NLRP9: variants seen among roughly 807,000 people sequenced by gnomAD.
NLRP9 encodes NLR family pyrin domain containing 9, also known as NACHT, LRR and PYD domains-containing protein 9.
In NLRP9, 88 loss-of-function variants were observed where a neutral mutation model predicts 83.1. The observed-to-expected ratio is 1.06, with a 90% confidence interval of 0.89 to 1.26. The LOEUF (loss-of-function observed/expected upper bound fraction) is 1.26, where lower values mean the gene tolerates loss of function less well. NLRP9 is among the 50% of genes most tolerant of loss of function. The pLI, the probability that NLRP9 is intolerant of heterozygous loss-of-function variation, is 0.00. For missense variants in NLRP9, 1,308 were observed against 1,179.3 expected (o/e 1.11, Z -1.60); for synonymous variants, 521 against 447.6 (o/e 1.16, Z -2.07).
At chr19:55,733,781 A>C (rs946380108) in intron 1 of NLRP9, among the ~76,000 whole-genome samples, 1 of 152,194 alleles carries the variant, frequency 6.6e-6, no homozygotes, top group African/African-American at 2.4e-5. Flanking sequence ...TCTGATAAGA[A>C]ACATTTTACA....
chr19:55,738,306 A>C lies in NLRP9; in HGVS notation c.69T>G (p.Phe23Leu), dbSNP rs56211941. 6.2e-7 allele frequency: 1 copy of C among 1,613,912 alleles called. No individual in the cohort carries two copies. The highest frequency in any genetic ancestry group is 8.5e-7 in the Non-Finnish European group (1 of 1,179,952). Reference sequence around the variant, plus strand: ...GTTTGAGGAGCTCCTTAAATTTCCAAAACTCTTCCTTTCTGAGCTCCTTCA... The same window carrying C: ...GTTTGAGGAGCTCCTTAAATTTCCACAACTCTTCCTTTCTGAGCTCCTTCA... ...WYLKELRKEEFWKFKELLKQP... is the reference protein window; with the variant it reads ...WYLKELRKEELWKFKELLKQP... The change falls in exon 1 of 9, where the codon TTT (phenylalanine) becomes TTG (leucine). Residue 23 changes from phenylalanine to leucine, a missense_variant. Phe to Leu is a conservative substitution (Grantham distance 22, BLOSUM62 0). Coordinates refer to ENST00000332836, the MANE Select transcript of NLRP9 (RefSeq NM_176820.4).
chr19:55,730,599 C>A (rs913826927), intron 2 of NLRP9, among the ~76,000 whole-genome samples: 8 of 152,160 alleles, frequency 5.3e-5, no homozygotes, highest in African/African-American at 1.9e-4. Flanking sequence ...AAGATAATGT[C>A]CTTTGCAAGG....
intron 8 of NLRP9, chr19:55,709,770 C>T (rs922797151): frequency 6.6e-6 from 1 of 152,176 alleles, no homozygotes; most frequent in Admixed American, 6.5e-5. Context: ...CAACAGCTAT[C>T]GTTCTTGCTT....
chr19:55,730,455 G>GAGA (rs1988539556), intron 2 of NLRP9, among the ~76,000 whole-genome samples: 1 of 115,372 alleles, frequency 8.7e-6, no homozygotes, highest in Non-Finnish European at 1.9e-5. Flanking sequence ...CCTGCCTCAA[G>GAGA]AAAAAAAAAA....
chr19:55,728,647 C>A (rs374636474), intron 3 of NLRP9, among the ~76,000 whole-genome samples: 2 of 152,216 alleles, frequency 1.3e-5, no homozygotes, highest in East Asian at 1.9e-4. Context: ...AGCAAACAGG[C>A]CTTTCTCGAG....
chr19:55,713,574 T>TCTCTCCCTCCTCCCCTC (rs1555794006), intron 6 of NLRP9, among the ~76,000 whole-genome samples: 2 of 75,222 alleles, frequency 2.7e-5, no homozygotes, highest in Non-Finnish European at 5.4e-5. Flanking sequence ...CCTGGCACCT[T>TCTCTCCCTCCTCCCCTC]CTCTCCCTCC....
intron 8 of NLRP9, chr19:55,711,357 A>G (rs376570426): frequency 4.3e-6 from 5 of 1,151,998 alleles, no homozygotes; most frequent in East Asian, 6.7e-5. Flanking sequence ...GGCAAACCTA[A>G]TTTTCAGAAC....
At chr19:55,711,343 T>C in intron 8 of NLRP9, 5 of 1,127,024 alleles carry the variant, frequency 4.4e-6, no homozygotes, top group Non-Finnish European at 4.4e-6. Context: ...GGTACAACTC[T>C]AAAGGCAAAC....
chr19:55,734,542 T>TATAC (rs138779232), intron 1 of NLRP9, among the ~76,000 whole-genome samples: 24,517 of 148,418 alleles, frequency 0.17, 2,543 homozygotes, highest in Non-Finnish European at 0.25. Flanking sequence ...TATATATATA[T>TATAC]ACATATATAC....
intron 4 of NLRP9, among the ~76,000 whole-genome samples, chr19:55,722,252 T>A (rs1988250479): frequency 6.6e-6 from 1 of 152,188 alleles, no homozygotes; most frequent in Non-Finnish European, 1.5e-5. Context: ...TCCCCAATCC[T>A]TATGTTAATG....
chr19:55,710,314 C>G (rs73933315), intron 8 of NLRP9, among the ~76,000 whole-genome samples: 24 of 152,212 alleles, frequency 1.6e-4, no homozygotes, highest in African/African-American at 5.8e-4. Flanking sequence ...TTCCCTTTCT[C>G]TGCTATACAG....
At chr19:55,711,663 C>T (rs1156375846) in intron 8 of NLRP9, 137 bp downstream of exon 8, 2 of 911,682 alleles carry the variant, frequency 2.2e-6, no homozygotes, top group Non-Finnish European at 3.4e-6. Context: ...TTTATAGTGT[C>T]AACAGGGGCC....
intron 1 of NLRP9, chr19:55,737,734 TAAAAAAAAAAAA>T: frequency 1.3e-5 from 1 of 78,618 alleles, no homozygotes; most frequent in Admixed American, 1.4e-4. Context: ...ACCCTTTCTC[TAAAAAAAAAAAA>T]AAAAAAAAAA....
chr19:55,732,738 T>C lies in NLRP9; in HGVS notation c.1093A>G (p.Thr365Ala). 1.2e-6 allele frequency: 2 copies of C among 1,613,996 alleles called. No individual in the cohort carries two copies. The highest frequency in any genetic ancestry group is 1.7e-6 in the Non-Finnish European group (2 of 1,179,968). The change falls in exon 2 of 9, where the codon ACC (threonine) becomes GCC (alanine). Residue 365 changes from threonine (T) to alanine (A), a missense_variant. Physicochemically the swap from Thr to Ala is moderately conservative, Grantham distance 58. Transcript: ENST00000332836. ...EDLEINSQNT[T>A]YLYASFLTTV... Reference sequence around the variant, plus strand: ...GTTAAAAAGGATGCATATAAATAGGTGGTGTTTTGGGAGTTTATTTCAAGG... The same window carrying C: ...GTTAAAAAGGATGCATATAAATAGGCGGTGTTTTGGGAGTTTATTTCAAGG...
At chr19:55,724,814 T>G (rs1008188651) in intron 3 of NLRP9, among the ~76,000 whole-genome samples, 2 of 152,086 alleles carry the variant, frequency 1.3e-5, no homozygotes, top group African/African-American at 4.8e-5. Context: ...CACCTGTAAT[T>G]TGGGAGGCCA....
intron 2 of NLRP9, among the ~76,000 whole-genome samples, chr19:55,731,170 G>A (rs1439552657): frequency 2.0e-5 from 3 of 152,056 alleles, no homozygotes; most frequent in Non-Finnish European, 2.9e-5. Flanking sequence ...GAGAGCTAAC[G>A]TATGAGCTGG....
chr19:55,726,387 A>T lies in NLRP9; in HGVS notation c.1995-2243T>A, dbSNP rs565784171. Among the ~76,000 whole-genome samples, 9 of 152,306 alleles carry T rather than the reference A, an allele frequency of 5.9e-5. No individual in the cohort carries two copies. In the East Asian group the frequency reaches 1.7e-3, roughly 29 times the overall value. ...TGTCAACTTTTTCCTTTTTCTACACATAAAATGATAAAAAATGCAATTGCT... is the reference window on the plus strand; with the variant it reads ...TGTCAACTTTTTCCTTTTTCTACACTTAAAATGATAAAAAATGCAATTGCT... On this transcript the variant is annotated intron_variant, in intron 3 of 8. Coordinates refer to ENST00000332836, the MANE Select transcript of NLRP9 (RefSeq NM_176820.4).
intron 2 of NLRP9, 126 bp from the exon 3 acceptor site, chr19:55,730,118 A>G: frequency 1.3e-6 from 1 of 778,284 alleles, no homozygotes. Context: ...AACAGGGAGA[A>G]GGTCAGCCAG....
chr19:55,727,576 T>C (rs1162499894), intron 3 of NLRP9, among the ~76,000 whole-genome samples: 1 of 152,212 alleles, frequency 6.6e-6, no homozygotes, highest in Admixed American at 6.6e-5. Flanking sequence ...TTATGCGTTA[T>C]AATCAAGCCA....
Sources: allele counts gnomAD v4.1 joint callset (sites outside exome capture counted in the v4.1 genomes callset), GRCh38; gene constraint gnomAD v4.1.1; transcripts MANE v1.5; gene names NCBI Gene and HGNC (gene_info 2026-07-23, HGNC 2026-07-21).